The following THAP6 variants were observed in gnomAD, a reference collection of about 807,000 sequenced individuals.
The protein encoded by THAP6 is THAP domain-containing protein 6.
THAP6 carries 13 observed loss-of-function variants against 20.0 expected under a neutral mutation model. The ratio of observed to expected loss-of-function variants is 0.65; its 90% CI spans 0.42 to 1.03. The LOEUF (loss-of-function observed/expected upper bound fraction) is 1.03, where lower values mean the gene tolerates loss of function less well. Ranked by LOEUF, THAP6 falls within the 50% of genes least tolerant of loss-of-function variation. The probability of loss-of-function intolerance (pLI) is 0.00; values close to 1 mark genes in which losing one functional copy is unlikely to be tolerated. For missense variants in THAP6, 262 were observed against 261.6 expected, an observed-to-expected ratio of 1.00 and a Z score of -0.01; for synonymous variants, 93 against 92.2, an observed-to-expected ratio of 1.01 and a Z score of -0.05.
downstream of THAP6, among the ~76,000 whole-genome samples, chr4:75,533,750 T>C (rs567124326): frequency 1.2e-4 from 18 of 151,926 alleles, no homozygotes; most frequent in South Asian, 3.7e-3. Flanking sequence ...TTGTTGTTTT[T>C]TTCCTTTTTT....
At position 75,528,803 on chromosome 4, in the gene THAP6, C is replaced by G; in HGVS notation, c.*1589C>G. 1.0e-6 allele frequency: 1 copy of G among 977,524 alleles called. No homozygotes were observed. Among genetic ancestry groups the G allele is most frequent in the Non-Finnish European group, 1.2e-6 (1 of 824,528 alleles). The allele number at this position is 977,524 out of a possible 1,614,324, so 60.6% of individuals were successfully genotyped here. On this transcript the variant is annotated 3_prime_UTR_variant, in exon 5 of 5. Coordinates refer to ENST00000311638, the MANE Select transcript of THAP6 (RefSeq NM_144721.6). ...GTGGCTCATACCTGTAATCCTAGCA[C>G]TTTGGGAGGCCAAGGCAGGCAGATC...
rs1726547653 is a variant in THAP6, at chr4:75,528,895, A to G, written c.*1681A>G. On this transcript the variant is annotated 3_prime_UTR_variant, in exon 5 of 5. Transcript: ENST00000311638. Reference sequence around the variant, plus strand: ...GAAACCCCATCTCTGCTAAAAATACAAAAAAAAATTAGCCGGGCATGGTGG... The same window carrying G: ...GAAACCCCATCTCTGCTAAAAATACGAAAAAAAATTAGCCGGGCATGGTGG... 1 of 546,266 alleles carries G rather than the reference A, an allele frequency of 1.8e-6. No homozygotes were observed. Among genetic ancestry groups the G allele is most frequent in the Non-Finnish European group, 2.3e-6 (1 of 429,494 alleles). The allele number at this position is 546,266 out of a possible 1,614,324, so 33.8% of individuals were successfully genotyped here.
downstream of THAP6, among the ~76,000 whole-genome samples, chr4:75,532,748 A>T (rs1187789305): frequency 6.6e-6 from 1 of 152,224 alleles, no homozygotes; most frequent in Non-Finnish European, 1.5e-5. Context: ...GGAAGCTGCC[A>T]AGGCTTGAGA....
chr4:75,527,395 AT>A lies in THAP6; in HGVS notation c.*182del, dbSNP rs1371455290. On this transcript the variant is annotated 3_prime_UTR_variant, in exon 5 of 5. Coordinates refer to ENST00000311638, the MANE Select transcript of THAP6 (RefSeq NM_144721.6). ...AAATATGCAGAAATTTGTGGTAATTATGTATTTGTGTCTTGTGACAATTATG... is the reference window on the plus strand; with the variant it reads ...AAATATGCAGAAATTTGTGGTAATTAGTATTTGTGTCTTGTGACAATTATG... The A allele has an allele frequency of 2.8e-6, 4 of 1,413,652 alleles. No individual in the cohort carries two copies. Among genetic ancestry groups the A allele is most frequent in the African/African-American group, 2.9e-5 (2 of 69,364 alleles). The allele number at this position is 1,413,652 out of a possible 1,614,324, so 87.6% of individuals were successfully genotyped here.
At chr4:75,520,911 C>T (rs981951673) in intron 3 of THAP6, among the ~76,000 whole-genome samples, 22 of 152,040 alleles carry the variant, frequency 1.4e-4, no homozygotes, top group African/African-American at 4.8e-4. Context: ...TATGTTTTTT[C>T]ATGTGTTTAT....
downstream of THAP6, among the ~76,000 whole-genome samples, chr4:75,533,026 G>A (rs893237014): frequency 6.6e-6 from 1 of 152,220 alleles, no homozygotes; most frequent in Admixed American, 6.5e-5. Context: ...AGTTTCTGCA[G>A]CCGGCTTGAA....
rs988437712 is a variant in THAP6 at position 75,514,521 on chromosome 4, G to C, written c.-21+1G>C. ...TTAGTCGCAGTCTTCGCTGCTAACG[G>C]TAATAACTCTTAGGTTGCCTGTTTT... On this transcript the variant is annotated splice_donor_variant, in intron 1 of 4. Transcript: ENST00000311638. LOFTEE classifies it low-confidence loss of function (5UTR_SPLICE). 14 of 501,966 alleles carry C rather than the reference G, an allele frequency of 2.8e-5. No individual in the cohort carries two copies. In the Admixed American group the frequency reaches 4.4e-4, roughly 16 times the overall value. The allele number at this position is 501,966 out of a possible 1,614,324, so 31.1% of individuals were successfully genotyped here. A position where few individuals can be genotyped will look rare whatever the true frequency, so the allele number is the denominator to read the frequency against.
chr4:75,514,326 A>G (rs920443042), upstream of THAP6: 8 of 1,591,180 alleles, frequency 5.0e-6, no homozygotes, highest in African/African-American at 1.1e-4. Context: ...TCCTTCCCCC[A>G]GGATAAAAAC....
In THAP6 at chr4:75,516,951, C is replaced by A; in HGVS notation, c.260C>A (p.Ser87Tyr). Residue 87 changes from serine to tyrosine, a missense_variant, in exon 3 of 5, where the codon TCT (serine) becomes TAT (tyrosine). Physicochemically the swap from Ser to Tyr is moderately radical, Grantham distance 144. Transcript: ENST00000311638. Reference protein sequence around the residue: ...NIKLKPGVIPSIFDSPYHLQG... With the variant: ...NIKLKPGVIPYIFDSPYHLQG... Reference sequence around the variant, plus strand: ...AAACTGAAACCTGGAGTCATACCTTCTATCTTTGATTCTCCATATCACCTA... The same window carrying A: ...AAACTGAAACCTGGAGTCATACCTTATATCTTTGATTCTCCATATCACCTA... 6.2e-7 allele frequency: 1 copy of A among 1,610,332 alleles called. No individual in the cohort carries two copies. Among genetic ancestry groups the A allele is most frequent in the Non-Finnish European group, 8.5e-7 (1 of 1,178,652 alleles).
At chr4:75,524,959 T>C (rs539570717) in intron 4 of THAP6, among the ~76,000 whole-genome samples, 2 of 152,146 alleles carry the variant, frequency 1.3e-5, no homozygotes, top group Non-Finnish European at 2.9e-5. Context: ...GATTTCTCCA[T>C]GTTGCCCAGG....
chr4:75,538,368 A>G (rs376287248), intron 2 of THAP6, among the ~76,000 whole-genome samples: 47 of 150,502 alleles, frequency 3.1e-4, no homozygotes, highest in African/African-American at 1.2e-3. Flanking sequence ...CCTGTGTTTC[A>G]CAGCCTCAGT....
At chr4:75,517,122 A>G in intron 3 of THAP6, 143 bp downstream of exon 3, 4 of 604,412 alleles carry the variant, frequency 6.6e-6, no homozygotes, top group Non-Finnish European at 1.1e-5. Flanking sequence ...GGGTTTAAGC[A>G]ATTCTCTGCC....
downstream of THAP6, among the ~76,000 whole-genome samples, chr4:75,530,947 G>T (rs1726662934): frequency 6.6e-6 from 1 of 152,124 alleles, no homozygotes. Context: ...TGTCTATCTT[G>T]TATGTCTGTA....
chr4:75,531,949 G>T (rs547326194), downstream of THAP6, among the ~76,000 whole-genome samples: 82 of 152,046 alleles, frequency 5.4e-4, 2 homozygotes, highest in Non-Finnish European at 2.5e-4. Context: ...GATGAGATTT[G>T]GGTGGGGACA....
At chr4:75,547,193 G>A (rs894111115) in intron 3 of THAP6, among the ~76,000 whole-genome samples, 11 of 152,252 alleles carry the variant, frequency 7.2e-5, no homozygotes, top group African/African-American at 2.6e-4. Context: ...ACAACTATTT[G>A]CTGAGTGTCA....
At chr4:75,523,388 C>T (rs1002145363) in intron 4 of THAP6, among the ~76,000 whole-genome samples, 1 of 152,164 alleles carries the variant, frequency 6.6e-6, no homozygotes, top group Non-Finnish European at 1.5e-5. Context: ...CATTTTGTCC[C>T]ATTCTGTGGG....
At chr4:75,515,399 GTTAC>G in intron 1 of THAP6, 30 bp from the exon 2 acceptor site, 1 of 1,577,320 alleles carries the variant, frequency 6.3e-7, no homozygotes. Flanking sequence ...CAGCTTTCCG[GTTAC>G]TAACTCTTAA....
chr4:75,536,720 C>G (rs1726866483), intron 2 of THAP6, among the ~76,000 whole-genome samples: 1 of 152,070 alleles, frequency 6.6e-6, no homozygotes. Flanking sequence ...GTTGCCCAGG[C>G]TGGTCTTGAA....
chr4:75,516,587 A>G (rs1310437639), intron 2 of THAP6, among the ~76,000 whole-genome samples, 185 bp from the exon 3 acceptor site: 2 of 152,252 alleles, frequency 1.3e-5, no homozygotes, highest in African/African-American at 4.8e-5. Flanking sequence ...CATGATTGGC[A>G]GAAAATCTGA....
Sources: gnomAD v4.1 joint callset for allele counts (sites outside exome capture counted in the v4.1 genomes callset) on GRCh38, gnomAD v4.1.1 for gene constraint, MANE v1.5 for transcripts, NCBI Gene and HGNC (gene_info 2026-07-23, HGNC 2026-07-21) for gene names.